The following PTCHD4 variants were observed in gnomAD, a reference collection of about 807,000 sequenced individuals.
PTCHD4 encodes patched domain containing 4.
Under a neutral mutation model 58.1 loss-of-function variants are expected in PTCHD4, and 33 were observed. The ratio of observed to expected loss-of-function variants is 0.57; its 90% CI spans 0.43 to 0.76. The LOEUF (loss-of-function observed/expected upper bound fraction) is 0.76. PTCHD4 is among the 30% of genes least tolerant of loss of function. The probability of loss-of-function intolerance (pLI) is 0.00; values close to 1 mark genes in which losing one functional copy is unlikely to be tolerated. For synonymous variants in PTCHD4, 478 were observed against 409.6 expected (o/e 1.17, Z -2.02); for missense variants, 1,058 against 1,027.1 (o/e 1.03, Z -0.41).
chr6:47,995,989 T>A (rs556743540), intron 4 of PTCHD4, among the ~76,000 whole-genome samples: 82 of 152,362 alleles, frequency 5.4e-4, no homozygotes, highest in Non-Finnish European at 7.5e-4. Context: ...GGTTTAACTT[T>A]CAACTTTTAT....
intron 4 of PTCHD4, among the ~76,000 whole-genome samples, chr6:47,941,895 G>GA (rs1189249449): frequency 6.6e-6 from 1 of 152,050 alleles, no homozygotes; most frequent in Non-Finnish European, 1.5e-5. Flanking sequence ...CTCTTTTTAA[G>GA]AAAATCAGTG....
rs150694062 is a variant in PTCHD4, at chr6:48,042,843, A to G, written c.417+25387T>C. Among the ~76,000 whole-genome samples, 10 of 152,082 alleles carry G rather than the reference A, an allele frequency of 6.6e-5. No individual in the cohort carries two copies. The East Asian group carries it at 1.7e-3, about 26-fold the overall frequency. On this transcript the variant is annotated intron_variant, in intron 3 of 4. Coordinates refer to ENST00000339488, the MANE Select transcript of PTCHD4 (RefSeq NM_001384253.1). ...TCAATAAGGTGATTAATCAGAAACT[A>G]CTGCCAACAAAATCCAGCACCTCAG...
At chr6:48,043,520 T>C (rs576007492) in intron 3 of PTCHD4, among the ~76,000 whole-genome samples, 1 of 152,024 alleles carries the variant, frequency 6.6e-6, no homozygotes, top group East Asian at 1.9e-4. Flanking sequence ...TTACCTTAAG[T>C]ACATTTGCCC....
At chr6:48,013,562 G>T (rs1363624556) in intron 3 of PTCHD4, among the ~76,000 whole-genome samples, 4 of 151,704 alleles carry the variant, frequency 2.6e-5, no homozygotes, top group Admixed American at 2.6e-4. Context: ...AAGGAGGCGG[G>T]GATCTCATCC....
At chr6:48,051,833 T>G (rs1274327782) in intron 3 of PTCHD4, among the ~76,000 whole-genome samples, 1 of 151,988 alleles carries the variant, frequency 6.6e-6, no homozygotes, top group Non-Finnish European at 1.5e-5. Flanking sequence ...GTAAAGCCCA[T>G]TTTTTAAAAG....
At chr6:47,891,400 C>T (rs73477509) in intron 4 of PTCHD4, among the ~76,000 whole-genome samples, 9,378 of 151,674 alleles carry the variant, frequency 0.062, 342 homozygotes, top group Middle Eastern at 0.096. Context: ...ATTCTGTGAC[C>T]GGCATGAACC....
At position 47,876,839 on chromosome 6, in the gene PTCHD4, C is replaced by G. The variant is rs982219460; in HGVS notation, c.*1464G>C. 1.3e-5 allele frequency among the ~76,000 whole-genome samples: 2 copies of G among 151,986 alleles called. No homozygotes were observed. The highest frequency in any genetic ancestry group is 2.9e-5 in the Non-Finnish European group (2 of 67,958). ...ACAGGTGCTTGGGAGTAGTTTTAAA[C>G]TTTAACTTAATGAAAACATTTACCT... On this transcript the variant is annotated 3_prime_UTR_variant, in exon 5 of 5. Transcript: ENST00000339488.
At chr6:47,888,912 G>A (rs1299036150) in intron 4 of PTCHD4, among the ~76,000 whole-genome samples, 2 of 103,910 alleles carry the variant, frequency 1.9e-5, no homozygotes, top group Non-Finnish European at 1.9e-5. Flanking sequence ...GCGGTGTTTG[G>A]TTTTTTGTTC....
chr6:47,973,139 T>C (rs1246050641), intron 4 of PTCHD4, among the ~76,000 whole-genome samples: 2 of 152,188 alleles, frequency 1.3e-5, no homozygotes, highest in East Asian at 3.8e-4. Flanking sequence ...ATATTTCACA[T>C]TTGAAAGAGA....
At chr6:47,928,801 C>T (rs1765715128) in intron 4 of PTCHD4, among the ~76,000 whole-genome samples, 2 of 150,182 alleles carry the variant, frequency 1.3e-5, no homozygotes, top group Admixed American at 1.3e-4. Context: ...TGAGTTAGTA[C>T]TTGGTGTCGA....
Position 47,878,746 on chromosome 6 carries a change from G to C in PTCHD4, c.2089C>G (p.Leu697Val), listed in dbSNP as rs762236249. ...ACGTTCCATAATGTCATTAAGCCCAGAACGCCCAGCTCAATTGAGGTGACG... is the reference window on the plus strand; with the variant it reads ...ACGTTCCATAATGTCATTAAGCCCACAACGCCCAGCTCAATTGAGGTGACG... Reference protein sequence around the residue: ...LSVTSIELGVLGLMTLWNVDM... With the variant: ...LSVTSIELGVVGLMTLWNVDM... Residue 697 changes from leucine to valine, a missense_variant, in exon 5 of 5, where the codon CTG (leucine) becomes GTG (valine). Leu to Val is a conservative substitution (Grantham distance 32). Coordinates refer to ENST00000339488, the MANE Select transcript of PTCHD4 (RefSeq NM_001384253.1). 1.9e-6 allele frequency: 3 copies of C among 1,613,620 alleles called. No individual in the cohort carries two copies. Among genetic ancestry groups the C allele is most frequent in the South Asian group, 2.2e-5 (2 of 91,074 alleles).
chr6:48,093,577 C>T (rs1582132075), intron 1 of PTCHD4, among the ~76,000 whole-genome samples: 2 of 152,142 alleles, frequency 1.3e-5, no homozygotes, highest in East Asian at 1.9e-4. Flanking sequence ...AATATTGCTT[C>T]TCCTCATGTA....
chr6:47,962,081 C>A (rs1440526324), intron 4 of PTCHD4, among the ~76,000 whole-genome samples: 2 of 152,026 alleles, frequency 1.3e-5, no homozygotes, highest in African/African-American at 4.8e-5. Flanking sequence ...GAGGTGACAT[C>A]ATTACAGATC....
At chr6:47,981,398 C>A (rs886846089) in intron 4 of PTCHD4, among the ~76,000 whole-genome samples, 1 of 151,862 alleles carries the variant, frequency 6.6e-6, no homozygotes, top group Non-Finnish European at 1.5e-5. Context: ...GTTCTGCCAG[C>A]TTGTTTTTCC....
At chr6:48,044,782 G>C (rs999971707) in intron 3 of PTCHD4, among the ~76,000 whole-genome samples, 1 of 151,698 alleles carries the variant, frequency 6.6e-6, no homozygotes, top group Non-Finnish European at 1.5e-5. Flanking sequence ...GAATTTTGAG[G>C]TTTAAATCTC....
intron 4 of PTCHD4, among the ~76,000 whole-genome samples, chr6:48,001,990 C>T (rs2114063566): frequency 6.6e-6 from 1 of 152,258 alleles, no homozygotes. Flanking sequence ...ATTTATGCAG[C>T]CAAAAGACAC....
intron 3 of PTCHD4, among the ~76,000 whole-genome samples, chr6:48,018,735 T>C (rs969961124): frequency 6.6e-6 from 1 of 152,244 alleles, no homozygotes; most frequent in African/African-American, 2.4e-5. Context: ...TTACTATTCT[T>C]ACATGAATGA....
intron 4 of PTCHD4, among the ~76,000 whole-genome samples, chr6:47,942,206 C>G (rs1022188127): frequency 3.3e-5 from 5 of 152,210 alleles, no homozygotes; most frequent in Admixed American, 3.3e-4. Flanking sequence ...AATAGCATTG[C>G]AGAGAATCCA....
At chr6:47,902,067 C>A in intron 4 of PTCHD4, 1 of 452,312 alleles carries the variant, frequency 2.2e-6, no homozygotes, top group Non-Finnish European at 4.1e-6. Context: ...ACAACAGCAA[C>A]CACATAATAA....
Sources: allele counts gnomAD v4.1 joint callset (sites outside exome capture counted in the v4.1 genomes callset), GRCh38; gene constraint gnomAD v4.1.1; transcripts MANE v1.5; gene names NCBI Gene and HGNC (gene_info 2026-07-23, HGNC 2026-07-21).